Variants in RNLS observed in about 807,000 individuals in gnomAD.
The protein encoded by RNLS is renalase, FAD dependent amine oxidase, also known as renalase.
Under a neutral mutation model 39.8 loss-of-function variants are expected in RNLS, and 39 were observed. The observed-to-expected ratio is 0.98, with a 90% CI of 0.76 to 1.28. The LOEUF is 1.28. RNLS is among the 50% of genes most tolerant of loss of function. RNLS has a pLI of 0.00. For synonymous variants in RNLS, 147 were observed against 150.7 expected (o/e 0.98, Z 0.18); for missense variants, 410 against 413.3 (o/e 0.99, Z 0.07).
At chr10:88,192,088 C>A in the RNLS span, among the ~76,000 whole-genome samples, 211 of 152,146 alleles carry the variant, frequency 1.4e-3, no homozygotes, top group Non-Finnish European at 1.9e-3. Flanking sequence ...ACTTTCTCAA[C>A]AAAAGAGACA....
At chr10:88,581,771 A>T in intron 2 of RNLS, 62 bp from the exon 3 acceptor site, 1 of 1,104,564 alleles carries the variant, frequency 9.1e-7, no homozygotes, top group South Asian at 2.4e-5. Flanking sequence ...CTAAAAGACT[A>T]TATTTTCTTT....
At chr10:88,334,372 A>G (rs1847331326) in intron 5 of RNLS, among the ~76,000 whole-genome samples, 1 of 152,310 alleles carries the variant, frequency 6.6e-6, no homozygotes, top group East Asian at 1.9e-4. Flanking sequence ...TTCTTGCCCC[A>G]CTAGAAACAA....
chr10:88,270,918 T>C (rs1842631987), downstream of RNLS, among the ~76,000 whole-genome samples: 2 of 152,180 alleles, frequency 1.3e-5, no homozygotes, highest in Non-Finnish European at 2.9e-5. Flanking sequence ...TTGGGATGTC[T>C]CAAGTTTCTA....
chr10:88,489,629 C>T (rs187097923), intron 4 of RNLS, among the ~76,000 whole-genome samples: 43 of 152,292 alleles, frequency 2.8e-4, no homozygotes, highest in African/African-American at 9.4e-4. Flanking sequence ...TTGAGTCCCC[C>T]ATTTTCTCAC....
chr10:88,497,856 T>C (rs1391144112), intron 4 of RNLS, among the ~76,000 whole-genome samples: 1 of 151,842 alleles, frequency 6.6e-6, no homozygotes, highest in Non-Finnish European at 1.5e-5. Flanking sequence ...CATAAAAAAG[T>C]TTGTGCCAAC....
chr10:88,296,112 A>T (rs1002572334), intron 6 of RNLS, among the ~76,000 whole-genome samples: 1 of 152,136 alleles, frequency 6.6e-6, no homozygotes, highest in African/African-American at 2.4e-5. Flanking sequence ...GCTGAGCACT[A>T]TGAAAAGTGT....
chr10:88,450,311 T>C (rs1402072953), intron 4 of RNLS, among the ~76,000 whole-genome samples: 1 of 152,106 alleles, frequency 6.6e-6, no homozygotes, highest in East Asian at 1.9e-4. Flanking sequence ...TAAGTTGAGA[T>C]AGGTGGTAGA....
At chr10:88,272,362 G>A (rs924785878), downstream of RNLS, among the ~76,000 whole-genome samples, 2 of 151,796 alleles carry the variant, frequency 1.3e-5, no homozygotes, top group African/African-American at 4.8e-5. Flanking sequence ...AAAGCTTCTT[G>A]ACTCACTAAA....
chr10:88,497,540 T>C (rs1010091498), intron 4 of RNLS, among the ~76,000 whole-genome samples: 1 of 151,942 alleles, frequency 6.6e-6, no homozygotes, highest in Non-Finnish European at 1.5e-5. Context: ...GGAAAATAAA[T>C]GCCATGATTT....
chr10:88,455,756 C>A (rs1011021416), intron 4 of RNLS, among the ~76,000 whole-genome samples: 22 of 152,096 alleles, frequency 1.4e-4, no homozygotes, highest in African/African-American at 5.3e-4. Context: ...TGAGAAAAAA[C>A]TGGGAACAGA....
At chr10:88,459,782 A>G (rs1474886362) in intron 4 of RNLS, among the ~76,000 whole-genome samples, 2 of 152,158 alleles carry the variant, frequency 1.3e-5, no homozygotes, top group Non-Finnish European at 2.9e-5. Context: ...TCACTGAAAG[A>G]CATTTGTGTT....
intron 4 of RNLS, among the ~76,000 whole-genome samples, chr10:88,440,777 G>T (rs1401916171): frequency 6.6e-6 from 1 of 152,196 alleles, no homozygotes; most frequent in African/African-American, 2.4e-5. Flanking sequence ...ACCAACACTA[G>T]ACCAGTTGCA....
chr10:88,419,413 G>C (rs1854243238), intron 4 of RNLS, among the ~76,000 whole-genome samples: 1 of 152,180 alleles, frequency 6.6e-6, no homozygotes, highest in Non-Finnish European at 1.5e-5. Context: ...CAGGATCTGA[G>C]TACTCCTCTG....
the RNLS span, among the ~76,000 whole-genome samples, chr10:88,188,933 A>G: frequency 6.6e-6 from 1 of 152,212 alleles, no homozygotes; most frequent in South Asian, 2.1e-4. Flanking sequence ...AATTTGAGCT[A>G]ATCCTTAAAA....
intron 4 of RNLS, among the ~76,000 whole-genome samples, chr10:88,477,499 C>T (rs1007765837): frequency 1.1e-4 from 16 of 151,900 alleles, no homozygotes; most frequent in South Asian, 6.2e-4. Flanking sequence ...ACAACAGCAA[C>T]GCTGATGTAA....
chr10:88,283,108 T>C (rs1843084484), downstream of RNLS, among the ~76,000 whole-genome samples: 1 of 152,150 alleles, frequency 6.6e-6, no homozygotes, highest in African/African-American at 2.4e-5. Context: ...ATCTTAGCCT[T>C]GTGTCTCTCA....
chr10:88,242,527 C>CA, the RNLS span, among the ~76,000 whole-genome samples: 677 of 151,100 alleles, frequency 4.5e-3, 10 homozygotes, highest in East Asian at 0.05. Context: ...GTAGGTAATT[C>CA]AAAAAAAAAT....
chr10:88,293,227 C>T (rs1017427469), intron 6 of RNLS, among the ~76,000 whole-genome samples: 3 of 152,108 alleles, frequency 2.0e-5, no homozygotes, highest in Admixed American at 6.6e-5. Context: ...CTGCTCATTG[C>T]GTATGTGAGG....
At chr10:88,350,804 C>T (rs1403751967) in intron 5 of RNLS, among the ~76,000 whole-genome samples, 3 of 152,156 alleles carry the variant, frequency 2.0e-5, no homozygotes, top group East Asian at 1.9e-4. Flanking sequence ...GAGGAATCGC[C>T]GCACTGTATT....
Sources: allele counts gnomAD v4.1 joint callset (sites outside exome capture counted in the v4.1 genomes callset), GRCh38; gene constraint gnomAD v4.1.1; transcripts MANE v1.5; gene names NCBI Gene and HGNC (gene_info 2026-07-23, HGNC 2026-07-21).